NAP1L1: variants seen among roughly 807,000 people sequenced by gnomAD.
The protein encoded by NAP1L1 is nucleosome assembly protein 1-like 1.
In NAP1L1, 9 loss-of-function variants were observed where a neutral mutation model predicts 58.9. The observed-to-expected ratio is 0.15, with a 90% CI of 0.09 to 0.27. The LOEUF is 0.27. Ranked by LOEUF, NAP1L1 falls within the 10% of genes least tolerant of loss-of-function variation. The probability of loss-of-function intolerance (pLI) is 1.00; values close to 1 mark genes in which losing one functional copy is unlikely to be tolerated. For missense variants in NAP1L1, 302 were observed against 458.8 expected (o/e 0.66, Z 3.12); for synonymous variants, 130 against 138.3 (o/e 0.94, Z 0.42).
chr12:76,083,485 A>C (rs545623057), intron 1 of NAP1L1, among the ~76,000 whole-genome samples: 71 of 151,634 alleles, frequency 4.7e-4, no homozygotes, highest in African/African-American at 1.6e-3. Context: ...AAAAAAAAAA[A>C]AAAAAAAAAA....
chr12:76,048,685 C>T (rs763113611), intron 14 of NAP1L1, among the ~76,000 whole-genome samples: 3 of 152,004 alleles, frequency 2.0e-5, no homozygotes, highest in Admixed American at 6.6e-5. Flanking sequence ...ATGTGACACA[C>T]GCTAAACCAT....
rs932309787 is a variant in NAP1L1 at position 76,055,720 on chromosome 12, G to A, written c.558+313C>T. Reference sequence around the variant, plus strand: ...GAGTTAAGGGAATTGCATAATTGCAGCTATAAGATTAACTTTCCCATCATA... The same window carrying A: ...GAGTTAAGGGAATTGCATAATTGCAACTATAAGATTAACTTTCCCATCATA... On this transcript the variant is annotated intron_variant, in intron 7 of 14. Coordinates refer to ENST00000618691, the MANE Select transcript of NAP1L1 (RefSeq NM_004537.7). Among the ~76,000 whole-genome samples, 7 of 152,290 alleles carry A rather than the reference G, an allele frequency of 4.6e-5. No homozygotes were observed. In the East Asian group the frequency reaches 1.4e-3, roughly 29 times the overall value.
chr12:76,060,020 C>T, intron 5 of NAP1L1, 118 bp downstream of exon 5: 1 of 1,229,994 alleles, frequency 8.1e-7, no homozygotes, highest in Non-Finnish European at 1.1e-6. Context: ...CCTCCAAGTG[C>T]TGCCTCTAAT....
chr12:76,037,833 A>T lies in NAP1L1; in HGVS notation c.*10596T>A, dbSNP rs1210757030. 6.6e-6 allele frequency: 1 copy of T among 152,220 alleles called. No homozygotes were observed. The highest frequency in any genetic ancestry group is 1.5e-5 in the Non-Finnish European group (1 of 68,046). 9.4% of individuals were successfully genotyped at this position (152,220 alleles called of 1,614,324 possible). On this transcript the variant is annotated 3_prime_UTR_variant, in exon 15 of 15. Transcript: ENST00000618691. The stretch of plus-strand genomic sequence containing the variant: ...TCACGTCTACTTCACTAAATATCCA[A>T]GATCCTGGATGAGTGTTTTCGCCAT...
At chr12:76,051,733 C>G (rs145527088) in intron 11 of NAP1L1, among the ~76,000 whole-genome samples, 5 of 152,098 alleles carry the variant, frequency 3.3e-5, no homozygotes, top group African/African-American at 1.2e-4. Context: ...TTAAAATAAT[C>G]CCACTTTGGC....
At chr12:76,051,568 A>G (rs973534115) in intron 11 of NAP1L1, among the ~76,000 whole-genome samples, 45 of 152,266 alleles carry the variant, frequency 3.0e-4, no homozygotes, top group African/African-American at 1.0e-3. Context: ...TTTTAGAGAC[A>G]GGGTCTCGCT....
chr12:76,073,706 G>T (rs1426157045), intron 2 of NAP1L1: 2 of 152,400 alleles, frequency 1.3e-5, no homozygotes, highest in African/African-American at 4.8e-5. Flanking sequence ...GCAAAGAAAA[G>T]AATTAGCAAA....
rs1231356073 is a variant in NAP1L1 at position 76,039,164 on chromosome 12, T to C, written c.*9265A>G. ...ACATATGTGGCCAATGTGGCTGTCA[T>C]CCTAACCTCCCTTGGCATTCACACC... On this transcript the variant is annotated 3_prime_UTR_variant, in exon 15 of 15. Transcript: ENST00000618691. 6.6e-6 allele frequency: 1 copy of C among 152,216 alleles called. No homozygotes were observed. The highest frequency in any genetic ancestry group is 1.9e-4 in the East Asian group (1 of 5,198). The allele number at this position is 152,216 out of a possible 1,614,324, so 9.4% of individuals were successfully genotyped here.
At chr12:76,071,528 A>G (rs1949953327) in intron 2 of NAP1L1, among the ~76,000 whole-genome samples, 1 of 152,164 alleles carries the variant, frequency 6.6e-6, no homozygotes, top group Non-Finnish European at 1.5e-5. Context: ...GGGCAGCAAC[A>G]TTTTGGAAGC....
Position 76,050,617 on chromosome 12 carries a change from C to T in NAP1L1, c.973G>A (p.Glu325Lys), listed in dbSNP as rs1377513278. Reference protein sequence around the residue: ...DAEAILAADFEIGHFLRERII... With the variant: ...DAEAILAADFKIGHFLRERII... ...CGCTCACGTAAAAAGTGACCAATTT[C>T]GAAGTCTGCAGCAAGGATAGCTTCA... is the stretch of plus-strand genomic sequence containing the variant. Residue 325 changes from glutamate to lysine, a missense_variant, in exon 12 of 15, where the codon GAA becomes AAA. By Grantham distance (56) the Glu-to-Lys change is moderately conservative (BLOSUM62 1). Coordinates refer to ENST00000618691, the MANE Select transcript of NAP1L1 (RefSeq NM_004537.7). The T allele has an allele frequency of 1.2e-6, 2 of 1,612,402 alleles. No homozygotes were observed. The highest frequency in any genetic ancestry group is 1.7e-6 in the Non-Finnish European group (2 of 1,179,656).
intron 6 of NAP1L1, chr12:76,056,728 G>GT (rs1249528242): frequency 5.0e-5 from 22 of 438,390 alleles, no homozygotes; most frequent in South Asian, 2.5e-4. Flanking sequence ...ACTAAAAACT[G>GT]TAAGCCAGGC....
intron 1 of NAP1L1, among the ~76,000 whole-genome samples, chr12:76,075,149 G>A (rs550307072): frequency 2.6e-5 from 4 of 152,088 alleles, no homozygotes; most frequent in African/African-American, 9.7e-5. Context: ...AGTTTAGATA[G>A]AATCCATGTT....
intron 13 of NAP1L1, 102 bp from the exon 14 acceptor site, chr12:76,049,352 G>C (rs2136952278): frequency 1.3e-6 from 2 of 1,588,852 alleles, no homozygotes; most frequent in Non-Finnish European, 8.5e-7. Context: ...CGGATCAACA[G>C]ATTTTCATGA....
intron 1 of NAP1L1, among the ~76,000 whole-genome samples, chr12:76,080,983 T>C (rs546342033): frequency 3.9e-5 from 6 of 152,306 alleles, no homozygotes; most frequent in African/African-American, 7.2e-5. Context: ...CTGTACTGCC[T>C]TGGGAACCTT....
At chr12:76,064,212 A>T (rs1192928335) in intron 4 of NAP1L1, among the ~76,000 whole-genome samples, 1 of 152,200 alleles carries the variant, frequency 6.6e-6, no homozygotes, top group East Asian at 1.9e-4. Flanking sequence ...AAACATTATA[A>T]AACACAAAGG....
At chr12:76,049,478 T>C (rs1948721869) in intron 13 of NAP1L1, 2 of 1,535,544 alleles carry the variant, frequency 1.3e-6, no homozygotes, top group Admixed American at 2.0e-5. Context: ...GCAGCCAACG[T>C]TGGAAAAGTT....
chr12:76,055,905 T>C, intron 7 of NAP1L1, 128 bp downstream of exon 7: 1 of 929,710 alleles, frequency 1.1e-6, no homozygotes, highest in Non-Finnish European at 1.7e-6. Flanking sequence ...CTTCTACAGA[T>C]ATTAGCTATT....
chr12:76,078,003 G>GAAAAAAAAAATT, intron 1 of NAP1L1, among the ~76,000 whole-genome samples: 1 of 135,974 alleles, frequency 7.4e-6, no homozygotes, highest in East Asian at 2.2e-4. Context: ...AAAAAAAAAG[G>GAAAAAAAAAATT]AAAAGAATTA....
At chr12:76,054,593 G>A (rs1374043712) in intron 8 of NAP1L1, among the ~76,000 whole-genome samples, 1 of 152,112 alleles carries the variant, frequency 6.6e-6, no homozygotes, top group Non-Finnish European at 1.5e-5. Context: ...CACAGAAAAA[G>A]CCCAACCTTA....
Sources: gnomAD v4.1 joint callset for allele counts (sites outside exome capture counted in the v4.1 genomes callset) on GRCh38, gnomAD v4.1.1 for gene constraint, MANE v1.5 for transcripts, NCBI Gene and HGNC (gene_info 2026-07-23, HGNC 2026-07-21) for gene names.